Variants in SLIT2 observed in about 807,000 individuals in gnomAD.
SLIT2 encodes slit homolog 2 protein.
A neutral mutation model predicts 185.7 loss-of-function variants in SLIT2; 41 were observed. The ratio of observed to expected loss-of-function variants is 0.22; its 90% CI spans 0.17 to 0.29. The LOEUF is 0.29. Among genes scored for constraint, SLIT2 ranks in the 10% least tolerant of loss-of-function variants. SLIT2 has a pLI of 1.00. For synonymous variants in SLIT2, 693 were observed against 680.2 expected (o/e 1.02, Z -0.29); for missense variants, 1,571 against 1,909.0 (o/e 0.82, Z 3.30).
At chr4:20,567,751 C>A in intron 28 of SLIT2, 136 bp downstream of exon 28, 1 of 673,176 alleles carries the variant, frequency 1.5e-6, no homozygotes. Context: ...TGTATTGGTC[C>A]CTCTCGTAGA....
At chr4:20,323,396 C>T (rs1211692567) in intron 4 of SLIT2, among the ~76,000 whole-genome samples, 2 of 152,110 alleles carry the variant, frequency 1.3e-5, no homozygotes, top group African/African-American at 2.4e-5. Context: ...TATATGTGCA[C>T]ACATGTATAC....
chr4:20,573,305 C>G, intron 29 of SLIT2: 1 of 702,840 alleles, frequency 1.4e-6, no homozygotes, highest in Non-Finnish European at 2.6e-6. Flanking sequence ...TTTAGTCTCC[C>G]TCTTTCTTGT....
intron 33 of SLIT2, among the ~76,000 whole-genome samples, chr4:20,599,620 G>T (rs1396150259): frequency 6.6e-6 from 1 of 152,096 alleles, no homozygotes; most frequent in African/African-American, 2.4e-5. Context: ...TCAGTTCTTC[G>T]TGGAGAAAAT....
intron 8 of SLIT2, chr4:20,490,839 C>A (rs1414843719): frequency 6.6e-7 from 1 of 1,504,492 alleles, no homozygotes; most frequent in East Asian, 2.5e-5. Flanking sequence ...CTTTTTTAGA[C>A]CGAGGATATT....
At chr4:20,417,392 A>C (rs1368487030) in intron 4 of SLIT2, among the ~76,000 whole-genome samples, 4 of 147,382 alleles carry the variant, frequency 2.7e-5, no homozygotes, top group Non-Finnish European at 4.5e-5. Context: ...CTACTTCAGG[A>C]CTTTATATGC....
chr4:20,278,815 C>T (rs1045364393), intron 4 of SLIT2, among the ~76,000 whole-genome samples: 6 of 4,088 alleles, frequency 1.5e-3, no homozygotes, highest in African/African-American at 5.2e-3. Flanking sequence ...TGGTGGGGGG[C>T]GGTGGGGGGA....
intron 4 of SLIT2, among the ~76,000 whole-genome samples, chr4:20,363,255 C>A (rs552142470): frequency 2.0e-5 from 3 of 152,004 alleles, no homozygotes; most frequent in Non-Finnish European, 4.4e-5. Flanking sequence ...TGATACATAA[C>A]ATGTACAGCA....
At chr4:20,307,102 TTCCC>T (rs1291561172) in intron 4 of SLIT2, among the ~76,000 whole-genome samples, 15 of 108,046 alleles carry the variant, frequency 1.4e-4, no homozygotes, top group East Asian at 3.6e-4. Flanking sequence ...CTCTATTTCT[TTCCC>T]TCCCTCCCTC....
At chr4:20,392,349 C>T (rs1725493093) in intron 4 of SLIT2, 2 of 151,878 alleles carry the variant, frequency 1.3e-5, no homozygotes, top group South Asian at 4.1e-4. Flanking sequence ...AAAAGGTACA[C>T]CTGTATAGGG....
chr4:20,507,818 G>A (rs1354248257), intron 9 of SLIT2, among the ~76,000 whole-genome samples: 1 of 151,704 alleles, frequency 6.6e-6, no homozygotes, highest in Non-Finnish European at 1.5e-5. Flanking sequence ...ATAGCACTAC[G>A]TTATTGTGAG....
At chr4:20,389,311 G>A (rs889955530) in intron 4 of SLIT2, among the ~76,000 whole-genome samples, 1 of 151,700 alleles carries the variant, frequency 6.6e-6, no homozygotes, top group Admixed American at 6.6e-5. Context: ...ACAGAAACAG[G>A]CAAATAACAT....
intron 4 of SLIT2, among the ~76,000 whole-genome samples, chr4:20,390,652 C>T (rs1354660275): frequency 1.3e-5 from 2 of 151,540 alleles, no homozygotes; most frequent in Non-Finnish European, 2.9e-5. Context: ...CTTTAATTGG[C>T]ATTTTAGGAT....
At position 20,272,271 on chromosome 4, in the gene SLIT2, T is replaced by TAA. The variant is rs5856553; in HGVS notation, c.395+3403_395+3404dup. 2.3e-3 allele frequency among the ~76,000 whole-genome samples: 329 copies of TAA among 145,254 alleles called. 3 individuals are homozygous for TAA. The highest frequency in any genetic ancestry group is 1.4e-3 in the East Asian group (7 of 4,924). ...AAATAAGGGACGATAGGTTGGAGGT[T>TAA]AAAAAAAAAAAAAATAAGCCAGCAT... On this transcript the variant is annotated intron_variant, in intron 4 of 36. Coordinates refer to ENST00000504154, the MANE Select transcript of SLIT2 (RefSeq NM_004787.4).
intron 4 of SLIT2, among the ~76,000 whole-genome samples, chr4:20,343,506 CT>C (rs377259805): frequency 3.3e-4 from 49 of 149,884 alleles, no homozygotes; most frequent in African/African-American, 1.1e-3. Context: ...CTTCATAAAA[CT>C]TTTTTTTTTC....
At position 20,533,612 on chromosome 4, in the gene SLIT2, G is replaced by A. The variant is rs767204569; in HGVS notation, c.1729G>A (p.Ala577Thr). ...TAAGATCACAGATATTGAGGAGGGA[G>A]CATTTGAAGGAGCATCTGGTGTAAA... ...NNKITDIEEG[A>T]FEGASGVNEI... The change falls in exon 18 of 37, where the codon GCA becomes ACA. Residue 577 changes from alanine (A) to threonine (T), a missense_variant. Physicochemically the swap from Ala to Thr is moderately conservative, Grantham distance 58 (BLOSUM62 0). Around this residue, in one of 3 missense-constraint regions of SLIT2, gnomAD observed 1,202 missense variants for 1,416.4 expected, o/e 0.85. Coordinates refer to ENST00000504154, the MANE Select transcript of SLIT2 (RefSeq NM_004787.4). The A allele has an allele frequency of 6.2e-7, 1 of 1,610,990 alleles. No individual in the cohort carries two copies. The highest frequency in any genetic ancestry group is 8.5e-7 in the Non-Finnish European group (1 of 1,177,114).
intron 11 of SLIT2, among the ~76,000 whole-genome samples, chr4:20,518,612 T>C (rs1398683492): frequency 7.5e-5 from 3 of 39,782 alleles, no homozygotes; most frequent in African/African-American, 3.6e-4. Context: ...TTTTTTTTTT[T>C]TTTTTTTTTT....
intron 4 of SLIT2, among the ~76,000 whole-genome samples, chr4:20,326,424 C>T (rs532240453): frequency 1.3e-5 from 2 of 152,082 alleles, no homozygotes; most frequent in East Asian, 3.9e-4. Context: ...CTTCCATAGG[C>T]CCTAAATTTT....
At chr4:20,319,281 A>G (rs1473196184) in intron 4 of SLIT2, among the ~76,000 whole-genome samples, 1 of 152,166 alleles carries the variant, frequency 6.6e-6, no homozygotes, top group African/African-American at 2.4e-5. Flanking sequence ...TTTGTTACCC[A>G]GTGCATTGTA....
At chr4:20,454,003 G>A (rs773992097) in intron 4 of SLIT2, among the ~76,000 whole-genome samples, 16 of 152,164 alleles carry the variant, frequency 1.1e-4, no homozygotes, top group African/African-American at 1.7e-4. Context: ...GAAGGCATAC[G>A]ATCTTAAGTC....
Sources: gnomAD v4.1 joint callset for allele counts (sites outside exome capture counted in the v4.1 genomes callset) on GRCh38, gnomAD v4.1.1 for gene constraint, gnomAD v4.1.1 regional missense constraint, MANE v1.5 for transcripts, NCBI Gene and HGNC (gene_info 2026-07-23, HGNC 2026-07-21) for gene names.